The following ROS1 variants were observed in gnomAD, a reference collection of about 807,000 sequenced individuals.
ROS1 encodes the protein proto-oncogene tyrosine-protein kinase ROS.
Under a neutral mutation model 273.5 loss-of-function variants are expected in ROS1, and 263 were observed. The observed-to-expected ratio is 0.96, with a 90% CI of 0.87 to 1.06. The LOEUF (loss-of-function observed/expected upper bound fraction) is 1.06, where lower values mean the gene tolerates loss of function less well. Ranked by LOEUF, ROS1 falls within the 50% of genes least tolerant of loss-of-function variation. The pLI is 0.00. For synonymous variants in ROS1, 1,008 were observed against 954.1 expected, an observed-to-expected ratio of 1.06 and a Z score of -1.04; for missense variants, 2,833 against 2,751.1, an observed-to-expected ratio of 1.03 and a Z score of -0.67.
intron 34 of ROS1, among the ~76,000 whole-genome samples, chr6:117,325,829 T>C (rs1297638257): frequency 7.9e-5 from 12 of 151,924 alleles, no homozygotes; most frequent in Non-Finnish European, 1.5e-4. Context: ...GAGGTAGATA[T>C]TGGGGAAGAA....
At chr6:117,376,136 A>T (rs560555587) in intron 18 of ROS1, among the ~76,000 whole-genome samples, 4 of 152,242 alleles carry the variant, frequency 2.6e-5, no homozygotes, top group African/African-American at 9.6e-5. Context: ...TAAATCTCAT[A>T]AACTTTTAGC....
intron 38 of ROS1, among the ~76,000 whole-genome samples, chr6:117,317,601 G>A (rs566574892): frequency 6.6e-6 from 1 of 152,226 alleles, no homozygotes; most frequent in Non-Finnish European, 1.5e-5. Flanking sequence ...GGTCATTACA[G>A]GTATGAAATA....
In ROS1 at chr6:117,393,130, A is replaced by G. The variant is rs557287190; in HGVS notation, c.1289+94T>C. ...TAAAGTAAGATGCATAGATAGGCTC[A>G]TCTGGTACTACAATGTTTCATTAGC... On this transcript the variant is annotated intron_variant, in intron 12 of 43. Coordinates refer to ENST00000368507, the MANE Select transcript of ROS1 (RefSeq NM_001378902.1). 3 of 793,582 alleles carry G rather than the reference A, an allele frequency of 3.8e-6. No homozygotes were observed. The East Asian group carries it at 7.3e-5, about 19-fold the overall frequency. 49.2% of individuals were successfully genotyped at this position (793,582 alleles called of 1,614,324 possible).
chr6:117,308,636 C>G (rs1317970564), intron 42 of ROS1, among the ~76,000 whole-genome samples, 158 bp downstream of exon 42: 1 of 152,070 alleles, frequency 6.6e-6, no homozygotes, highest in African/African-American at 2.4e-5. Context: ...ATAATATATT[C>G]ACAAATTGAC....
intron 33 of ROS1, among the ~76,000 whole-genome samples, chr6:117,328,183 T>C (rs1374855525): frequency 1.3e-5 from 2 of 152,104 alleles, no homozygotes; most frequent in African/African-American, 4.8e-5. Context: ...CTAACTAGAG[T>C]GTCCTGACTG....
intron 7 of ROS1, among the ~76,000 whole-genome samples, chr6:117,400,206 A>C (rs1773831764): frequency 6.6e-6 from 1 of 152,202 alleles, no homozygotes; most frequent in African/African-American, 2.4e-5. Flanking sequence ...CTAACTCAAC[A>C]AATGAGACTT....
At chr6:117,390,785 A>T (rs961246652) in intron 12 of ROS1, among the ~76,000 whole-genome samples, 3 of 152,222 alleles carry the variant, frequency 2.0e-5, no homozygotes, top group Non-Finnish European at 4.4e-5. Context: ...GAAAGAAGCC[A>T]ACGGAAGAAT....
chr6:117,423,274 C>T (rs1041085494), intron 1 of ROS1, among the ~76,000 whole-genome samples: 7 of 151,992 alleles, frequency 4.6e-5, no homozygotes. Flanking sequence ...ACTCATGTAA[C>T]CAAATAGCAC....
At chr6:117,380,645 C>T (rs979289837) in intron 17 of ROS1, among the ~76,000 whole-genome samples, 3 of 152,034 alleles carry the variant, frequency 2.0e-5, no homozygotes, top group Non-Finnish European at 4.4e-5. Flanking sequence ...ATACAACAAA[C>T]TATTCAAACT....
rs1775326733 is a variant in ROS1 at position 117,416,308 on chromosome 6, C to A, written c.178G>T (p.Gly60Ter). The A allele has an allele frequency of 6.2e-7, 1 of 1,600,302 alleles. No homozygotes were observed. Among genetic ancestry groups the A allele is most frequent in the African/African-American group, 1.3e-5 (1 of 74,706 alleles). Reference sequence around the variant, plus strand: ...TCTACAGAGTTCCAAAAGTGACATCCTTGGATACACTGCAAGAGACAATAA... The same window carrying A: ...TCTACAGAGTTCCAAAAGTGACATCATTGGATACACTGCAAGAGACAATAA... The part of the protein sequence containing the change: ...PHNLSEPCIQ[G>*]CHFWNSVDQK... Residue 60 changes from glycine to a stop codon, truncating the protein, a stop_gained, in exon 3 of 44, where the codon GGA becomes TGA. Transcript: ENST00000368507. LOFTEE classifies it high-confidence loss of function.
chr6:117,404,409 A>C lies in ROS1; in HGVS notation c.336T>G (p.Thr112=). ...TTCCAATGGAAGAAGCAAAGGGAGC[A>C]GTTGGTAGGTCTGCATTTTCTGGGG... ...EEVLENADLP[T]APFASSIGSH... Residue 112 remains threonine, a synonymous_variant, in exon 6 of 44, where the codon ACT becomes ACG. Transcript: ENST00000368507. 1 of 1,613,748 alleles carries C rather than the reference A, an allele frequency of 6.2e-7. No homozygotes were observed. The highest frequency in any genetic ancestry group is 8.5e-7 in the Non-Finnish European group (1 of 1,179,872).
At chr6:117,402,682 A>C (rs1774040933) in intron 7 of ROS1, among the ~76,000 whole-genome samples, 1 of 152,058 alleles carries the variant, frequency 6.6e-6, no homozygotes, top group Non-Finnish European at 1.5e-5. Flanking sequence ...GAGGTCAGGA[A>C]TACAAGACCA....
chr6:117,368,347 A>C (rs1284949948), intron 18 of ROS1, among the ~76,000 whole-genome samples: 2 of 152,094 alleles, frequency 1.3e-5, no homozygotes, highest in Non-Finnish European at 2.9e-5. Flanking sequence ...GAAAAATATA[A>C]ATAAAGTTTT....
At chr6:117,424,332 G>A (rs942727540) in intron 1 of ROS1, among the ~76,000 whole-genome samples, 3 of 151,614 alleles carry the variant, frequency 2.0e-5, no homozygotes, top group Non-Finnish European at 2.9e-5. Flanking sequence ...ATATATATAT[G>A]AGGAAAAATA....
chr6:117,290,591 G>A (rs962776689), intron 43 of ROS1, among the ~76,000 whole-genome samples: 4 of 152,118 alleles, frequency 2.6e-5, no homozygotes, highest in Admixed American at 1.3e-4. Context: ...GACATATGCC[G>A]GCTGACTGGC....
chr6:117,385,347 G>T (rs957246760), intron 16 of ROS1, among the ~76,000 whole-genome samples: 1 of 152,146 alleles, frequency 6.6e-6, no homozygotes, highest in Non-Finnish European at 1.5e-5. Flanking sequence ...TTGAGGTCAG[G>T]AGTTCGAGAC....
chr6:117,341,148 A>G lies in ROS1; in HGVS notation c.5048T>C (p.Val1683Ala), dbSNP rs766225570. 8 of 1,607,806 alleles carry G rather than the reference A, an allele frequency of 5.0e-6. No individual in the cohort carries two copies. Among genetic ancestry groups the G allele is most frequent in the Non-Finnish European group, 6.8e-6 (8 of 1,177,836 alleles). Reference sequence around the variant, plus strand: ...TTAAAAGTCTACCTTCTGTAGCTCAACCCAAAATCTGATGAGGTTAACATT... The same window carrying G: ...TTAAAAGTCTACCTTCTGTAGCTCAGCCCAAAATCTGATGAGGTTAACATT... ...PLNVNLIRFWVELQKWKYNEF... is the reference protein window; with the variant it reads ...PLNVNLIRFWAELQKWKYNEF... The change falls in exon 31 of 44, where the codon GTT (valine) becomes GCT (alanine). Residue 1683 changes from valine to alanine, a missense_variant. Physicochemically the swap from Val to Ala is moderately conservative, Grantham distance 64 (BLOSUM62 0). Coordinates refer to ENST00000368507, the MANE Select transcript of ROS1 (RefSeq NM_001378902.1).
intron 39 of ROS1, among the ~76,000 whole-genome samples, chr6:117,315,303 T>C (rs955163354): frequency 2.0e-5 from 3 of 152,036 alleles, no homozygotes; most frequent in African/African-American, 7.2e-5. Flanking sequence ...ACAGGATTTC[T>C]AGAACAAAGA....
At position 117,311,093 on chromosome 6, in the gene ROS1, C is replaced by A. The variant is rs201894511; in HGVS notation, c.6142G>T (p.Val2048Phe). 6.2e-7 allele frequency: 1 copy of A among 1,607,590 alleles called. No individual in the cohort carries two copies. The highest frequency in any genetic ancestry group is 8.5e-7 in the Non-Finnish European group (1 of 1,177,082). ...ATFYGPLLTL[V>F]DLVDLCVDIS... Reference sequence around the variant, plus strand: ...TCTACACACAGGTCTACAAGGTCAACCAAGGTGAGTAAAGGACCATAAAAC... The same window carrying A: ...TCTACACACAGGTCTACAAGGTCAAACAAGGTGAGTAAAGGACCATAAAAC... The change falls in exon 40 of 44, where the codon GTT becomes TTT. Residue 2048 changes from valine to phenylalanine, a missense_variant. By Grantham distance (50) the Val-to-Phe change is conservative (BLOSUM62 -1). Transcript: ENST00000368507.
Sources: allele counts gnomAD v4.1 joint callset (sites outside exome capture counted in the v4.1 genomes callset), GRCh38; gene constraint gnomAD v4.1.1; transcripts MANE v1.5; gene names NCBI Gene and HGNC (gene_info 2026-07-23, HGNC 2026-07-21).